Variants in BMP5 observed in about 807,000 individuals in gnomAD.
The protein encoded by BMP5 is bone morphogenetic protein 5.
In BMP5, 23 loss-of-function variants were observed where a neutral mutation model predicts 46.6. That is an observed-to-expected ratio of 0.49 (90% CI 0.35 to 0.70). The LOEUF is 0.70. BMP5 is among the 30% of genes least tolerant of loss of function. BMP5 has a pLI of 0.00. For missense variants in BMP5, 545 were observed against 565.6 expected (o/e 0.96, Z 0.37); for synonymous variants, 204 against 191.9 (o/e 1.06, Z -0.52).
At chr6:55,832,625 T>C (rs906504510) in intron 1 of BMP5, among the ~76,000 whole-genome samples, 1 of 152,174 alleles carries the variant, frequency 6.6e-6, no homozygotes, top group Non-Finnish European at 1.5e-5. Flanking sequence ...AATTAACTTA[T>C]CCAAGTTCAT....
intron 1 of BMP5, 88 bp downstream of exon 1, chr6:55,874,288 C>A: frequency 1.3e-6 from 2 of 1,558,918 alleles, no homozygotes; most frequent in Non-Finnish European, 1.8e-6. Context: ...TTTATATAAA[C>A]ATGACCACCT....
At chr6:55,830,614 T>A (rs1221093117) in intron 1 of BMP5, among the ~76,000 whole-genome samples, 2 of 152,134 alleles carry the variant, frequency 1.3e-5, no homozygotes, top group Non-Finnish European at 2.9e-5. Context: ...TCCAATCCAA[T>A]GTTATGTTAG....
At chr6:55,821,951 G>C (rs939711567) in intron 1 of BMP5, among the ~76,000 whole-genome samples, 15 of 152,166 alleles carry the variant, frequency 9.9e-5, no homozygotes, top group Admixed American at 8.5e-4. Context: ...AAATGAAGTA[G>C]ATGACATCAT....
chr6:55,865,295 TA>T (rs1451495441), intron 1 of BMP5: 1 of 388,070 alleles, frequency 2.6e-6, no homozygotes, highest in Non-Finnish European at 5.0e-6. Context: ...CTTCTAATTG[TA>T]TATTACTACC....
chr6:55,826,562 T>C (rs1470713272), intron 1 of BMP5, among the ~76,000 whole-genome samples: 1 of 151,570 alleles, frequency 6.6e-6, no homozygotes, highest in African/African-American at 2.4e-5. Context: ...ATGAAGTTGG[T>C]CTCAAGGTGT....
chr6:55,768,787 G>T (rs1774978156), intron 4 of BMP5, among the ~76,000 whole-genome samples: 1 of 151,892 alleles, frequency 6.6e-6, no homozygotes, highest in South Asian at 2.1e-4. Context: ...CTTCATACAG[G>T]CATATGTCAG....
intron 1 of BMP5, among the ~76,000 whole-genome samples, chr6:55,869,996 G>A (rs1191283639): frequency 6.6e-6 from 1 of 151,890 alleles, no homozygotes; most frequent in Non-Finnish European, 1.5e-5. Context: ...GAGAGCCTGG[G>A]GCTACAGAGA....
intron 1 of BMP5, among the ~76,000 whole-genome samples, chr6:55,863,709 G>T (rs562980627): frequency 1.3e-5 from 2 of 152,268 alleles, no homozygotes; most frequent in South Asian, 4.2e-4. Flanking sequence ...TTATAATGGA[G>T]CTCAAAAATT....
At chr6:55,772,346 C>T (rs577708120) in intron 4 of BMP5, among the ~76,000 whole-genome samples, 18 of 151,880 alleles carry the variant, frequency 1.2e-4, no homozygotes, top group African/African-American at 2.2e-4. Context: ...TTTCAGTCAC[C>T]GGAACACCTC....
rs572572816 is a variant in BMP5, at chr6:55,853,827, C to T, written c.490+20549G>A. ...GAAGTACGGTTATATTTTTTCTTTACGATCACTGTGCTATCATTGTTTATA... is the reference window on the plus strand; with the variant it reads ...GAAGTACGGTTATATTTTTTCTTTATGATCACTGTGCTATCATTGTTTATA... On this transcript the variant is annotated intron_variant, in intron 1 of 6. Transcript: ENST00000370830. Among the ~76,000 whole-genome samples the T allele has an allele frequency of 3.5e-4, 53 of 152,188 alleles. 1 individual carries two copies. In the South Asian group the frequency reaches 9.7e-3, roughly 28 times the overall value.
intron 2 of BMP5, among the ~76,000 whole-genome samples, chr6:55,804,699 G>C (rs1384861382): frequency 6.6e-6 from 1 of 152,092 alleles, no homozygotes; most frequent in Non-Finnish European, 1.5e-5. Flanking sequence ...AAATTACAGT[G>C]CATTGAGGGG....
At chr6:55,823,728 C>G (rs1582095188) in intron 1 of BMP5, among the ~76,000 whole-genome samples, 1 of 151,722 alleles carries the variant, frequency 6.6e-6, no homozygotes, top group East Asian at 1.9e-4. Context: ...TCCAAAGAAC[C>G]CTTCCCCTTC....
At chr6:55,826,262 AGGAT>A (rs747038994) in intron 1 of BMP5, among the ~76,000 whole-genome samples, 17 of 151,786 alleles carry the variant, frequency 1.1e-4, no homozygotes, top group Non-Finnish European at 2.4e-4. Flanking sequence ...TTTGTTTCAA[AGGAT>A]AATTTCAATT....
At chr6:55,823,403 T>A (rs559779064) in intron 1 of BMP5, among the ~76,000 whole-genome samples, 4 of 152,156 alleles carry the variant, frequency 2.6e-5, no homozygotes, top group Admixed American at 1.3e-4. Flanking sequence ...AATCTAGTCA[T>A]CTCTTTCCAC....
intron 4 of BMP5, among the ~76,000 whole-genome samples, chr6:55,767,734 T>C (rs982930942): frequency 3.9e-5 from 6 of 152,002 alleles, no homozygotes; most frequent in Non-Finnish European, 8.8e-5. Context: ...TTCTCACTTG[T>C]GCAGCATTGC....
chr6:55,791,433 A>G (rs1366183535), intron 3 of BMP5, among the ~76,000 whole-genome samples: 1 of 152,240 alleles, frequency 6.6e-6, no homozygotes, highest in Non-Finnish European at 1.5e-5. Context: ...GATAAGGAAA[A>G]GCAACAAAAG....
At chr6:55,785,540 G>T (rs949835476) in intron 3 of BMP5, among the ~76,000 whole-genome samples, 1 of 151,868 alleles carries the variant, frequency 6.6e-6, no homozygotes, top group Non-Finnish European at 1.5e-5. Flanking sequence ...CACAGCATAC[G>T]TGGGTTTGGA....
At chr6:55,862,115 A>G (rs990231023) in intron 1 of BMP5, among the ~76,000 whole-genome samples, 7 of 152,258 alleles carry the variant, frequency 4.6e-5, no homozygotes, top group African/African-American at 1.7e-4. Flanking sequence ...AACTTCTTCC[A>G]CTTCTATTAT....
intron 2 of BMP5, among the ~76,000 whole-genome samples, chr6:55,812,232 T>C (rs1776153618): frequency 6.6e-6 from 1 of 152,196 alleles, no homozygotes; most frequent in Admixed American, 6.5e-5. Context: ...AAGTAAAATA[T>C]AGATTTGGAT....
Sources: gnomAD v4.1 joint callset for allele counts (sites outside exome capture counted in the v4.1 genomes callset) on GRCh38, gnomAD v4.1.1 for gene constraint, MANE v1.5 for transcripts, NCBI Gene and HGNC (gene_info 2026-07-23, HGNC 2026-07-21) for gene names.